The following RLN2 variants were observed in gnomAD, a reference collection of about 807,000 sequenced individuals.
RLN2 encodes the protein prorelaxin H2.
In RLN2, 10 loss-of-function variants were observed where a neutral mutation model predicts 7.3. That is an observed-to-expected ratio of 1.36 (90% CI 0.84 to 2.31). The LOEUF (loss-of-function observed/expected upper bound fraction) is 2.31. Among genes scored for constraint, RLN2 ranks in the 30% most tolerant of loss-of-function variants. The probability of loss-of-function intolerance (pLI) is 0.00; values close to 1 mark genes in which losing one functional copy is unlikely to be tolerated. For synonymous variants in RLN2, 103 were observed against 82.3 expected (o/e 1.25, Z -1.36); for missense variants, 298 against 217.6 (o/e 1.37, Z -2.32).
the RLN2 span, among the ~76,000 whole-genome samples, chr9:5,310,784 A>G: frequency 2.0e-5 from 3 of 152,188 alleles, no homozygotes; most frequent in African/African-American, 7.2e-5. Flanking sequence ...TTCTTGTATC[A>G]TTGCTGTCAT....
the RLN2 span, among the ~76,000 whole-genome samples, chr9:5,326,071 G>C: frequency 6.6e-6 from 1 of 152,074 alleles, no homozygotes; most frequent in Non-Finnish European, 1.5e-5. Context: ...TATTAAAGCA[G>C]TTTAGGAGCA....
At chr9:5,311,140 C>T in the RLN2 span, among the ~76,000 whole-genome samples, 1 of 151,958 alleles carries the variant, frequency 6.6e-6, no homozygotes. Context: ...TCTTGACATA[C>T]CATAACTTGC....
the RLN2 span, among the ~76,000 whole-genome samples, chr9:5,328,288 G>A: frequency 1.6e-4 from 24 of 151,956 alleles, no homozygotes; most frequent in Admixed American, 2.0e-4. Flanking sequence ...TTGCTGATTC[G>A]ATCAAGTGGA....
At chr9:5,312,123 C>G in the RLN2 span, among the ~76,000 whole-genome samples, 1 of 151,876 alleles carries the variant, frequency 6.6e-6, no homozygotes, top group Admixed American at 6.6e-5. Context: ...GGGAAAACAC[C>G]TTTCCCTTCT....
chr9:5,301,673 C>G (rs1345439040), intron 1 of RLN2, among the ~76,000 whole-genome samples: 1 of 152,188 alleles, frequency 6.6e-6, no homozygotes, highest in East Asian at 1.9e-4. Context: ...AGGCAGACAC[C>G]TGGTTAACCA....
At chr9:5,320,737 ACT>A in the RLN2 span, among the ~76,000 whole-genome samples, 7 of 152,130 alleles carry the variant, frequency 4.6e-5, no homozygotes, top group African/African-American at 9.6e-5. Flanking sequence ...GCATTTAAAG[ACT>A]CTTTATATTC....
At chr9:5,330,211 A>G in the RLN2 span, among the ~76,000 whole-genome samples, 1 of 152,082 alleles carries the variant, frequency 6.6e-6, no homozygotes, top group Non-Finnish European at 1.5e-5. Flanking sequence ...TTTGAAACCA[A>G]TGAGAACAAA....
At chr9:5,309,734 G>A in the RLN2 span, among the ~76,000 whole-genome samples, 1 of 151,982 alleles carries the variant, frequency 6.6e-6, no homozygotes, top group Non-Finnish European at 1.5e-5. Context: ...GGTCTTTCCT[G>A]CTAGACTGTG....
chr9:5,308,946 A>G (rs542082077), upstream of RLN2, among the ~76,000 whole-genome samples: 25 of 152,182 alleles, frequency 1.6e-4, no homozygotes, highest in East Asian at 5.8e-4. Context: ...CCTCTTATTC[A>G]GTCTGTTCCC....
the RLN2 span, among the ~76,000 whole-genome samples, chr9:5,315,857 T>C: frequency 1.3e-5 from 2 of 151,988 alleles, no homozygotes; most frequent in Non-Finnish European, 2.9e-5. Context: ...AGCTATCCTT[T>C]AGAGATGAAG....
chr9:5,302,283 A>G (rs1336172359), intron 1 of RLN2, among the ~76,000 whole-genome samples: 2 of 152,178 alleles, frequency 1.3e-5, no homozygotes, highest in Non-Finnish European at 2.9e-5. Flanking sequence ...ACCCTTATTC[A>G]CTTATTATTT....
At chr9:5,336,049 T>A in the RLN2 span, among the ~76,000 whole-genome samples, 1 of 152,046 alleles carries the variant, frequency 6.6e-6, no homozygotes, top group African/African-American at 2.4e-5. Flanking sequence ...AAAGATATTA[T>A]TTTAAGCTAC....
intron 1 of RLN2, among the ~76,000 whole-genome samples, chr9:5,302,496 CA>C (rs1816169918): frequency 6.6e-6 from 1 of 152,154 alleles, no homozygotes; most frequent in East Asian, 1.9e-4. Flanking sequence ...CATGTACTTC[CA>C]AAACGATTCC....
At chr9:5,316,974 G>A in the RLN2 span, among the ~76,000 whole-genome samples, 1 of 152,020 alleles carries the variant, frequency 6.6e-6, no homozygotes, top group Non-Finnish European at 1.5e-5. Context: ...TAGAGTTGTT[G>A]TATGGGATTG....
upstream of RLN2, chr9:5,304,849 G>C (rs1310729114): frequency 4.0e-6 from 2 of 501,264 alleles, no homozygotes; most frequent in Non-Finnish European, 7.2e-6. Flanking sequence ...CCATCCCTCT[G>C]TCCTTGGCCC....
the RLN2 span, chr9:5,311,637 A>AG: frequency 7.6e-7 from 1 of 1,310,000 alleles, no homozygotes; most frequent in Non-Finnish European, 1.1e-6. Flanking sequence ...GCTGGCAAGG[A>AG]GGGGAATAAC....
At chr9:5,307,687 C>G (rs151058044), upstream of RLN2, among the ~76,000 whole-genome samples, 30 of 152,122 alleles carry the variant, frequency 2.0e-4, no homozygotes, top group Admixed American at 1.4e-3. Flanking sequence ...GGGCATTGCC[C>G]TCGTCCTTCT....
At chr9:5,320,334 G>A in the RLN2 span, among the ~76,000 whole-genome samples, 2 of 151,622 alleles carry the variant, frequency 1.3e-5, no homozygotes, top group Non-Finnish European at 2.9e-5. Context: ...AATCTCTCCA[G>A]TGAATTTTGG....
chr9:5,333,702 C>T, the RLN2 span, among the ~76,000 whole-genome samples: 1 of 151,912 alleles, frequency 6.6e-6, no homozygotes, highest in Admixed American at 6.6e-5. Context: ...CAAAACCTGG[C>T]AGACATACAA....
Sources: gnomAD v4.1 joint callset for allele counts (sites outside exome capture counted in the v4.1 genomes callset) on GRCh38, gnomAD v4.1.1 for gene constraint, MANE v1.5 for transcripts, NCBI Gene and HGNC (gene_info 2026-07-23, HGNC 2026-07-21) for gene names.